Variants in RBFOX3 observed in about 807,000 individuals in gnomAD.
RBFOX3 encodes RNA binding protein fox-1 homolog 3.
RBFOX3 carries 17 observed loss-of-function variants against 48.7 expected under a neutral mutation model. The observed-to-expected ratio is 0.35, with a 90% confidence interval of 0.24 to 0.52. The LOEUF (loss-of-function observed/expected upper bound fraction) is 0.52. Ranked by LOEUF, RBFOX3 falls within the 20% of genes least tolerant of loss-of-function variation. The probability of loss-of-function intolerance (pLI) is 0.94; values close to 1 mark genes in which losing one functional copy is unlikely to be tolerated. For missense variants in RBFOX3, 382 were observed against 497.5 expected (o/e 0.77, Z 2.21); for synonymous variants, 212 against 209.5 (o/e 1.01, Z -0.10).
the RBFOX3 span, among the ~76,000 whole-genome samples, chr17:79,656,708 G>GGAAGGA: frequency 5.6e-5 from 1 of 17,860 alleles, no homozygotes; most frequent in African/African-American, 1.2e-4. Context: ...AAGGAAGGAA[G>GGAAGGA]GAGAGAGAGA....
chr17:79,366,895 C>T (rs1262608388), intron 2 of RBFOX3, among the ~76,000 whole-genome samples: 1 of 152,186 alleles, frequency 6.6e-6, no homozygotes, highest in Non-Finnish European at 1.5e-5. Context: ...TGAGTCCCTC[C>T]CAGAGTACTG....
intron 1 of RBFOX3, among the ~76,000 whole-genome samples, chr17:79,490,650 G>A (rs1210599782): frequency 6.6e-6 from 1 of 151,888 alleles, no homozygotes; most frequent in African/African-American, 2.4e-5. Flanking sequence ...AAACATCCAT[G>A]AGTCCCTCCT....
At chr17:79,173,977 T>C (rs150565819) in intron 4 of RBFOX3, among the ~76,000 whole-genome samples, 89 of 151,858 alleles carry the variant, frequency 5.9e-4, no homozygotes, top group African/African-American at 2.0e-3. Flanking sequence ...GGTCACTGGA[T>C]CTTCTGTTTC....
intron 4 of RBFOX3, among the ~76,000 whole-genome samples, chr17:79,144,415 T>C (rs1170717511): frequency 1.3e-5 from 2 of 152,074 alleles, no homozygotes; most frequent in South Asian, 2.1e-4. Context: ...CTTCCCAAGG[T>C]CCCTCCCCAA....
chr17:79,246,691 A>G (rs951016741), intron 3 of RBFOX3, among the ~76,000 whole-genome samples: 1 of 152,002 alleles, frequency 6.6e-6, no homozygotes, highest in African/African-American at 2.4e-5. Flanking sequence ...AGATCTCAAG[A>G]CCCATCCGAC....
rs1394794618 is a variant in RBFOX3, at chr17:79,578,127, AG to A, written c.-320+32698del. 6.0e-3 allele frequency among the ~76,000 whole-genome samples: 919 copies of A among 152,346 alleles called. 12 individuals carry two copies. The highest frequency in any genetic ancestry group is 0.02 in the African/African-American group (840 of 41,588). ...CCAACCTGGGGTAGTGGTGGAGGGA[AG>A]GGGGGTGGCCCAAATTTGTCCAACA... On this transcript the variant is annotated intron_variant, in intron 1 of 14. Coordinates refer to ENST00000693108, the MANE Select transcript of RBFOX3 (RefSeq NM_001350451.2).
chr17:79,383,284 G>C (rs902404121), intron 2 of RBFOX3, among the ~76,000 whole-genome samples: 1 of 152,242 alleles, frequency 6.6e-6, no homozygotes, highest in Non-Finnish European at 1.5e-5. Context: ...AGGACAGGCT[G>C]TTGTCTAGAG....
At chr17:79,215,444 A>G (rs2058921739) in intron 4 of RBFOX3, among the ~76,000 whole-genome samples, 1 of 152,044 alleles carries the variant, frequency 6.6e-6, no homozygotes. Flanking sequence ...CACTGTCAAC[A>G]CGCTCCCTCT....
intron 2 of RBFOX3, among the ~76,000 whole-genome samples, chr17:79,420,158 CACACACACACACACACAA>C (rs1555721456): frequency 6.0e-5 from 9 of 150,844 alleles, no homozygotes; most frequent in Admixed American, 1.3e-4. Context: ...CACACACACA[CACACACACACACACACAA>C]AAGATGGTTA....
At chr17:79,439,313 T>G (rs183927966) in intron 2 of RBFOX3, among the ~76,000 whole-genome samples, 1 of 152,306 alleles carries the variant, frequency 6.6e-6, no homozygotes. Flanking sequence ...TGGATATAGT[T>G]TAAGTAAGAT....
At chr17:79,157,506 C>A (rs559724129) in intron 4 of RBFOX3, among the ~76,000 whole-genome samples, 43 of 152,344 alleles carry the variant, frequency 2.8e-4, no homozygotes, top group African/African-American at 1.0e-3. Context: ...CGAGAACTGG[C>A]CGGTGCCACT....
the RBFOX3 span, among the ~76,000 whole-genome samples, chr17:79,630,178 G>A: frequency 6.6e-6 from 1 of 152,186 alleles, no homozygotes; most frequent in African/African-American, 2.4e-5. Flanking sequence ...TGATGAACGT[G>A]GGGGTCCGCC....
At chr17:79,615,171 C>T (rs1433047518), upstream of RBFOX3, among the ~76,000 whole-genome samples, 1 of 152,162 alleles carries the variant, frequency 6.6e-6, no homozygotes, top group African/African-American at 2.4e-5. Flanking sequence ...AATCACAAAG[C>T]GTGCCTTCAA....
intron 1 of RBFOX3, chr17:79,599,769 G>C (rs2093660404): frequency 6.6e-6 from 1 of 152,250 alleles, no homozygotes; most frequent in Non-Finnish European, 1.5e-5. Flanking sequence ...TAGTATCCAA[G>C]TTAATGAAAG....
At chr17:79,230,136 T>G (rs946106400) in intron 4 of RBFOX3, among the ~76,000 whole-genome samples, 1 of 152,204 alleles carries the variant, frequency 6.6e-6, no homozygotes, top group African/African-American at 2.4e-5. Context: ...CACGCAGTGA[T>G]GATGAGGCTG....
At chr17:79,417,142 G>C (rs981146996) in intron 2 of RBFOX3, among the ~76,000 whole-genome samples, 5 of 152,226 alleles carry the variant, frequency 3.3e-5, no homozygotes, top group African/African-American at 1.2e-4. Flanking sequence ...GGAAAGGGGA[G>C]AAGTGGCTGT....
chr17:79,546,235 A>T (rs1555791838), intron 1 of RBFOX3, among the ~76,000 whole-genome samples: 1 of 152,084 alleles, frequency 6.6e-6, no homozygotes. Context: ...CGAGAGCCCA[A>T]ACCCCAGGAC....
rs1390159181 is a variant in RBFOX3 at position 79,089,577 on chromosome 17, T to C, written c.*1306A>G. 6.6e-6 allele frequency: 1 copy of C among 152,602 alleles called. No homozygotes were observed. Among genetic ancestry groups the C allele is most frequent in the Non-Finnish European group, 1.5e-5 (1 of 68,086 alleles). The allele number at this position is 152,602 out of a possible 1,614,324, so 9.5% of individuals were successfully genotyped here. ...AAGCCGGAGGCAGGGCGTGGGGCTA[T>C]GTACAACGGGAATAGAAAAGGAGAA... On this transcript the variant is annotated 3_prime_UTR_variant, in exon 15 of 15. Transcript: ENST00000693108.
At chr17:79,181,971 ACACACACACACACAC>A (rs2052060521) in intron 4 of RBFOX3, among the ~76,000 whole-genome samples, 2 of 19,728 alleles carry the variant, frequency 1.0e-4, no homozygotes, top group Non-Finnish European at 1.9e-4. Context: ...AAACACACAC[ACACACACACACACAC>A]ACACACACAC....
Sources: gnomAD v4.1 joint callset for allele counts (sites outside exome capture counted in the v4.1 genomes callset) on GRCh38, gnomAD v4.1.1 for gene constraint, MANE v1.5 for transcripts, NCBI Gene and HGNC (gene_info 2026-07-23, HGNC 2026-07-21) for gene names.